PIBF1: variants seen among roughly 807,000 people sequenced by gnomAD.
PIBF1 encodes progesterone immunomodulatory binding factor 1.
PIBF1 carries 90 observed loss-of-function variants against 112.5 expected under a neutral mutation model. That is an observed-to-expected ratio of 0.80 (90% CI 0.67 to 0.95). The LOEUF (loss-of-function observed/expected upper bound fraction) is 0.95, where lower values mean the gene tolerates loss of function less well. Among genes scored for constraint, PIBF1 ranks in the 40% least tolerant of loss-of-function variants. The pLI is 0.00. For missense variants in PIBF1, 915 were observed against 852.3 expected, an observed-to-expected ratio of 1.07 and a Z score of -0.92; for synonymous variants, 301 against 288.6, an observed-to-expected ratio of 1.04 and a Z score of -0.44.
In PIBF1 at chr13:72,998,969, A is replaced by C. The variant is rs143805083; in HGVS notation, c.2197A>C (p.Ile733Leu). ...LNVPKEHEDN[I>L]FTPKPTLFTK... ...TGTGCCTAAAGAGCATGAAGACAATATATTTACACCTAAACCAACACTCTT... is the reference window on the plus strand; with the variant it reads ...TGTGCCTAAAGAGCATGAAGACAATCTATTTACACCTAAACCAACACTCTT... The change falls in exon 17 of 18, where the codon ATA (isoleucine) becomes CTA (leucine). Residue 733 changes from isoleucine (I) to leucine (L), a missense_variant. Ile to Leu is a conservative substitution (Grantham distance 5). Transcript: ENST00000326291. 1.9e-6 allele frequency: 3 copies of C among 1,606,140 alleles called. No homozygotes were observed. The African/African-American group carries it at 4.0e-5, about 21-fold the overall frequency.
chr13:72,909,038 C>T (rs1253553350), intron 12 of PIBF1, among the ~76,000 whole-genome samples: 1 of 151,040 alleles, frequency 6.6e-6, no homozygotes, highest in Non-Finnish European at 1.5e-5. Flanking sequence ...CAGAGTAATA[C>T]TGTCTCAAAA....
intron 10 of PIBF1, among the ~76,000 whole-genome samples, chr13:72,869,706 C>T (rs757742200): frequency 3.3e-5 from 5 of 151,908 alleles, no homozygotes; most frequent in Non-Finnish European, 5.9e-5. Flanking sequence ...TCTCTTTATT[C>T]TTATGTATGA....
At chr13:72,910,585 A>G (rs2040861135) in intron 12 of PIBF1, among the ~76,000 whole-genome samples, 1 of 152,180 alleles carries the variant, frequency 6.6e-6, no homozygotes, top group Non-Finnish European at 1.5e-5. Context: ...AGAGTAAAAC[A>G]GGGTTTCCTA....
chr13:72,900,263 A>G lies in PIBF1; in HGVS notation c.1488+6314A>G, dbSNP rs562492780. Reference sequence around the variant, plus strand: ...GTTAGAAAAAAAAATTCTAAAATTCATGTGGAATCAAAAAAGAACCCGCAT... The same window carrying G: ...GTTAGAAAAAAAAATTCTAAAATTCGTGTGGAATCAAAAAAGAACCCGCAT... On this transcript the variant is annotated intron_variant, in intron 11 of 17. Coordinates refer to ENST00000326291, the MANE Select transcript of PIBF1 (RefSeq NM_006346.4). 3.3e-4 allele frequency among the ~76,000 whole-genome samples: 51 copies of G among 152,306 alleles called. No homozygotes were observed. In the South Asian group the frequency reaches 0.01, roughly 31 times the overall value.
At chr13:72,880,343 CA>C (rs1395479207) in intron 10 of PIBF1, among the ~76,000 whole-genome samples, 5 of 152,176 alleles carry the variant, frequency 3.3e-5, no homozygotes, top group African/African-American at 9.6e-5. Context: ...ACATCTTGGC[CA>C]GACTAAAAAT....
At position 72,851,190 on chromosome 13, in the gene PIBF1, G is replaced by T. The variant is rs752398712; in HGVS notation, c.1224-2867G>T. ...ACAGGCAGAAACCCAGACCCCTTCC[G>T]AGTTGGAGGGGCGGGAGCCCTCCCA... On this transcript the variant is annotated intron_variant, in intron 9 of 17. Coordinates refer to ENST00000326291, the MANE Select transcript of PIBF1 (RefSeq NM_006346.4). 2.6e-5 allele frequency among the ~76,000 whole-genome samples: 4 copies of T among 152,320 alleles called. No individual in the cohort carries two copies. The South Asian group carries it at 6.2e-4, about 24-fold the overall frequency.
intron 17 of PIBF1, among the ~76,000 whole-genome samples, chr13:73,001,582 C>CTTGTTTTTTTTTTTTTTTTTTTTTT (rs2043867684): frequency 3.4e-5 from 1 of 29,160 alleles, no homozygotes; most frequent in African/African-American, 8.3e-5. Flanking sequence ...AAGAGCTTGA[C>CTTGTTTTTTTTTTTTTTTTTTTTTT]TTTTTTTTTT....
chr13:72,854,011 A>G (rs1447255167), intron 9 of PIBF1, 46 bp from the exon 10 acceptor site: 3 of 1,330,288 alleles, frequency 2.3e-6, no homozygotes, highest in Non-Finnish European at 3.2e-6. Context: ...AAGAACATAG[A>G]TAAATCACGC....
chr13:72,787,357 G>A (rs2034655426), intron 2 of PIBF1, among the ~76,000 whole-genome samples: 1 of 152,188 alleles, frequency 6.6e-6, no homozygotes, highest in Admixed American at 6.5e-5. Flanking sequence ...CTTGTGAGCA[G>A]TGATTCTAAA....
intron 4 of PIBF1, among the ~76,000 whole-genome samples, chr13:72,796,477 T>G (rs2137971737): frequency 6.6e-6 from 1 of 152,288 alleles, no homozygotes; most frequent in South Asian, 2.1e-4. Flanking sequence ...TTGTAAAGAC[T>G]ATAACTATGT....
At chr13:72,909,746 C>A (rs1205716653) in intron 12 of PIBF1, among the ~76,000 whole-genome samples, 7 of 152,068 alleles carry the variant, frequency 4.6e-5, no homozygotes, top group Non-Finnish European at 1.0e-4. Flanking sequence ...CCCGCCTCGA[C>A]CTCCCAAAAT....
At chr13:72,864,684 G>T (rs930773031) in intron 10 of PIBF1, among the ~76,000 whole-genome samples, 13 of 152,088 alleles carry the variant, frequency 8.5e-5, no homozygotes, top group African/African-American at 2.9e-4. Flanking sequence ...AAATTGGGAT[G>T]CCAGCTAACT....
intron 15 of PIBF1, among the ~76,000 whole-genome samples, chr13:72,971,206 ATG>A (rs58020080): frequency 0.019 from 1,809 of 93,636 alleles, 20 homozygotes; most frequent in Non-Finnish European, 0.031. Flanking sequence ...GTGTGTGTGT[ATG>A]TGTGTGTGTG....
intron 12 of PIBF1, among the ~76,000 whole-genome samples, chr13:72,916,410 A>T (rs1250307537): frequency 6.9e-6 from 1 of 145,632 alleles, no homozygotes; most frequent in Non-Finnish European, 1.5e-5. Context: ...ATATATATAT[A>T]TATATTTTTT....
chr13:72,871,436 G>A (rs755366061), intron 10 of PIBF1, among the ~76,000 whole-genome samples: 7 of 152,182 alleles, frequency 4.6e-5, no homozygotes, highest in Admixed American at 3.9e-4. Context: ...CTCCTGAGTA[G>A]CTGGGATTAC....
rs111598460 is a variant in PIBF1, at chr13:72,861,061, G to A, written c.1322+6906G>A. On this transcript the variant is annotated intron_variant, in intron 10 of 17. Transcript: ENST00000326291. ...GCTACTACATAGAATACTATATTGGGATCTAAAATGTAAGGTTGCAATTCA... is the reference window on the plus strand; with the variant it reads ...GCTACTACATAGAATACTATATTGGAATCTAAAATGTAAGGTTGCAATTCA... 4.3e-3 allele frequency among the ~76,000 whole-genome samples: 653 copies of A among 152,226 alleles called. 10 individuals are homozygous for A. The highest frequency in any genetic ancestry group is 0.015 in the African/African-American group (607 of 41,524).
chr13:72,896,292 G>T (rs1368508511), intron 11 of PIBF1, among the ~76,000 whole-genome samples: 1 of 152,168 alleles, frequency 6.6e-6, no homozygotes, highest in Non-Finnish European at 1.5e-5. Flanking sequence ...AGGAACAAAA[G>T]AACCTGAACA....
At chr13:72,945,138 A>G (rs1380270038) in intron 14 of PIBF1, among the ~76,000 whole-genome samples, 10 of 152,186 alleles carry the variant, frequency 6.6e-5, no homozygotes, top group Non-Finnish European at 7.3e-5. Flanking sequence ...AAGTAAAAAT[A>G]TGGAGTATTT....
In PIBF1 at chr13:72,821,985, A is replaced by G; in HGVS notation, c.806+3A>G. The G allele has an allele frequency of 3.1e-6, 5 of 1,604,588 alleles. No homozygotes were observed. Among genetic ancestry groups the G allele is most frequent in the Non-Finnish European group, 4.3e-6 (5 of 1,175,950 alleles). ...GAGAACTATGATAAAGTCAAGAGGT[A>G]AGTAGTTAAAATGGCTGCAGTAGTA... On this transcript the variant is annotated splice_donor_region_variant and intron_variant, in intron 6 of 17. Transcript: ENST00000326291.
Sources: allele counts gnomAD v4.1 joint callset (sites outside exome capture counted in the v4.1 genomes callset), GRCh38; gene constraint gnomAD v4.1.1; transcripts MANE v1.5; gene names NCBI Gene and HGNC (gene_info 2026-07-23, HGNC 2026-07-21).